CNTN5: variants seen among roughly 807,000 people sequenced by gnomAD.
The protein encoded by CNTN5 is contactin-5.
In CNTN5, 77 loss-of-function variants were observed where a neutral mutation model predicts 129.1. That is an observed-to-expected ratio of 0.60 (90% CI 0.50 to 0.72). The LOEUF is 0.72. Ranked by LOEUF, CNTN5 falls within the 30% of genes least tolerant of loss-of-function variation. The pLI is 0.00. For missense variants in CNTN5, 1,478 were observed against 1,328.8 expected, an observed-to-expected ratio of 1.11 and a Z score of -1.75; for synonymous variants, 509 against 465.6, an observed-to-expected ratio of 1.09 and a Z score of -1.20.
chr11:99,280,509 C>T (rs185653067), intron 1 of CNTN5, among the ~76,000 whole-genome samples: 1 of 151,560 alleles, frequency 6.6e-6, no homozygotes, highest in East Asian at 1.9e-4. Context: ...GAAAAAAATT[C>T]AATTGCCAGC....
intron 15 of CNTN5, among the ~76,000 whole-genome samples, chr11:100,205,992 C>G (rs1173541632): frequency 2.6e-5 from 4 of 152,116 alleles, no homozygotes; most frequent in South Asian, 2.1e-4. Context: ...TAATCAATAA[C>G]AAACATTATA....
intron 2 of CNTN5, among the ~76,000 whole-genome samples, chr11:99,362,647 T>C (rs1163000119): frequency 6.6e-6 from 1 of 151,642 alleles, no homozygotes; most frequent in Non-Finnish European, 1.5e-5. Context: ...GGTGAAAAAA[T>C]GTTTTAGCTC....
At chr11:99,184,040 C>T (rs1194836207) in intron 1 of CNTN5, among the ~76,000 whole-genome samples, 1 of 151,976 alleles carries the variant, frequency 6.6e-6, no homozygotes, top group Non-Finnish European at 1.5e-5. Flanking sequence ...ATTCTCATTG[C>T]CTCCACTCTG....
intron 2 of CNTN5, among the ~76,000 whole-genome samples, chr11:99,391,810 C>T (rs1413606203): frequency 6.6e-6 from 1 of 151,666 alleles, no homozygotes; most frequent in Non-Finnish European, 1.5e-5. Flanking sequence ...TTTTTGTTTC[C>T]CTGGGATACC....
chr11:99,528,182 A>ATGAT (rs1565263324), intron 2 of CNTN5, among the ~76,000 whole-genome samples: 2 of 152,226 alleles, frequency 1.3e-5, no homozygotes, highest in African/African-American at 4.8e-5. Flanking sequence ...TAATTTTAAA[A>ATGAT]TTATTCTAAA....
At chr11:99,037,577 T>C (rs976490862) in intron 1 of CNTN5, among the ~76,000 whole-genome samples, 1 of 74,646 alleles carries the variant, frequency 1.3e-5, no homozygotes, top group Non-Finnish European at 2.5e-5. Context: ...TTTTCTTTTC[T>C]TTTTTTTTTT....
At chr11:100,150,870 G>GTCTT (rs1201399785) in intron 13 of CNTN5, among the ~76,000 whole-genome samples, 2 of 152,084 alleles carry the variant, frequency 1.3e-5, no homozygotes, top group South Asian at 2.1e-4. Flanking sequence ...TGGAAGCAGG[G>GTCTT]TCTTTGGGAG....
intron 4 of CNTN5, among the ~76,000 whole-genome samples, chr11:99,841,187 C>CT (rs1375674184): frequency 2.0e-5 from 3 of 152,110 alleles, no homozygotes; most frequent in Admixed American, 2.0e-4. Context: ...CTGAATAGGG[C>CT]TAAGATGCTT....
chr11:99,887,781 T>C (rs1948938204), intron 6 of CNTN5, among the ~76,000 whole-genome samples: 1 of 152,228 alleles, frequency 6.6e-6, no homozygotes, highest in African/African-American at 2.4e-5. Context: ...AAGATGAAAC[T>C]GAAAGACTAA....
At chr11:100,142,513 C>T (rs562835736) in intron 13 of CNTN5, among the ~76,000 whole-genome samples, 208 of 152,264 alleles carry the variant, frequency 1.4e-3, no homozygotes, top group African/African-American at 1.9e-3. Context: ...TAGAAAATTT[C>T]GCACTTGACT....
intron 9 of CNTN5, among the ~76,000 whole-genome samples, chr11:100,045,698 C>G (rs1432488900): frequency 6.8e-6 from 1 of 146,720 alleles, no homozygotes; most frequent in Non-Finnish European, 1.5e-5. Flanking sequence ...TACCTAAATT[C>G]TTTTAGATGT....
At chr11:99,969,537 A>G (rs1243246668) in intron 8 of CNTN5, among the ~76,000 whole-genome samples, 2 of 152,026 alleles carry the variant, frequency 1.3e-5, no homozygotes, top group African/African-American at 4.8e-5. Context: ...AATAATCTCT[A>G]ATTGGGCATG....
chr11:99,139,452 T>A (rs924524152), intron 1 of CNTN5, among the ~76,000 whole-genome samples: 2 of 152,112 alleles, frequency 1.3e-5, no homozygotes, highest in Non-Finnish European at 2.9e-5. Context: ...TGTGGTGACC[T>A]AAATAAAAAA....
chr11:99,846,830 A>G (rs1947714369), intron 6 of CNTN5, among the ~76,000 whole-genome samples: 1 of 152,328 alleles, frequency 6.6e-6, no homozygotes, highest in East Asian at 1.9e-4. Flanking sequence ...AAATGTAAAT[A>G]TCATATTTTA....
At chr11:99,110,294 G>A (rs1857727834) in intron 1 of CNTN5, among the ~76,000 whole-genome samples, 1 of 152,156 alleles carries the variant, frequency 6.6e-6, no homozygotes, top group African/African-American at 2.4e-5. Flanking sequence ...ACTGTGCCAA[G>A]TGTTTGGATT....
intron 10 of CNTN5, among the ~76,000 whole-genome samples, chr11:100,069,760 T>A (rs1943835047): frequency 6.6e-6 from 1 of 152,150 alleles, no homozygotes; most frequent in African/African-American, 2.4e-5. Context: ...AGAATATTTG[T>A]AAAGAAAGAG....
Position 99,857,037 on chromosome 11 carries a change from T to TCC in CNTN5, c.577+11776_577+11777insCC, listed in dbSNP as rs1257631280. On this transcript the variant is annotated intron_variant, in intron 6 of 24. Transcript: ENST00000524871. ...CTCTCTCTATCTATCTCTATCTCCC[T>TCC]CTCTCTCTCCCTCCCTCCCTCTCTC... Among the ~76,000 whole-genome samples, 7 of 150,132 alleles carry TCC rather than the reference T, an allele frequency of 4.7e-5. 1 individual carries two copies. The highest frequency in any genetic ancestry group is 1.7e-4 in the African/African-American group (7 of 40,718).
chr11:99,575,429 G>A (rs1022786054), intron 3 of CNTN5, among the ~76,000 whole-genome samples: 1 of 152,144 alleles, frequency 6.6e-6, no homozygotes, highest in Non-Finnish European at 1.5e-5. Context: ...TGTCTGCAGA[G>A]AGGAAAGATA....
intron 6 of CNTN5, among the ~76,000 whole-genome samples, chr11:99,903,345 A>G (rs886075468): frequency 6.6e-6 from 1 of 151,920 alleles, no homozygotes; most frequent in African/African-American, 2.4e-5. Context: ...TGGTTATACC[A>G]TAACCAAACT....
Sources: allele counts gnomAD v4.1 joint callset (sites outside exome capture counted in the v4.1 genomes callset), GRCh38; gene constraint gnomAD v4.1.1; transcripts MANE v1.5; gene names NCBI Gene and HGNC (gene_info 2026-07-23, HGNC 2026-07-21).